Variants in CDC40 observed in about 807,000 individuals in gnomAD.
CDC40 encodes cell division cycle 40, also known as pre-mRNA-processing factor 17.
Under a neutral mutation model 80.6 loss-of-function variants are expected in CDC40, and 27 were observed. That is an observed-to-expected ratio of 0.33 (90% CI 0.25 to 0.46). CDC40 has a LOEUF of 0.46. Among genes scored for constraint, CDC40 ranks in the 20% least tolerant of loss-of-function variants. CDC40 has a pLI of 1.00. For missense variants in CDC40, 486 were observed against 694.1 expected, an observed-to-expected ratio of 0.70 and a Z score of 3.37; for synonymous variants, 221 against 232.6, an observed-to-expected ratio of 0.95 and a Z score of 0.45.
At chr6:110,226,699 C>T (rs1426522738) in intron 13 of CDC40, among the ~76,000 whole-genome samples, 1 of 151,900 alleles carries the variant, frequency 6.6e-6, no homozygotes, top group Non-Finnish European at 1.5e-5. Context: ...AGGCCTAAGC[C>T]ACTATGCCCG....
chr6:110,197,299 ATAAAT>A (rs1479731194), intron 2 of CDC40, among the ~76,000 whole-genome samples: 1 of 152,236 alleles, frequency 6.6e-6, no homozygotes, highest in African/African-American at 2.4e-5. Flanking sequence ...ATACTTTTTA[ATAAAT>A]TAATTTTTTA....
intron 3 of CDC40, among the ~76,000 whole-genome samples, chr6:110,204,029 T>A (rs551740162): frequency 6.6e-6 from 1 of 152,354 alleles, no homozygotes; most frequent in East Asian, 1.9e-4. Context: ...ATTTTATTTT[T>A]TTTGAGACAG....
intron 1 of CDC40, among the ~76,000 whole-genome samples, chr6:110,192,233 A>G (rs1298739928): frequency 6.6e-6 from 1 of 152,248 alleles, no homozygotes; most frequent in Non-Finnish European, 1.5e-5. Flanking sequence ...AAGCTACTCC[A>G]AAAACCCAGA....
intron 7 of CDC40, 128 bp downstream of exon 7, chr6:110,212,400 C>A: frequency 2.3e-6 from 2 of 881,952 alleles, no homozygotes; most frequent in Non-Finnish European, 3.5e-6. Flanking sequence ...TGAATGTAAG[C>A]CTGAGTTATG....
At chr6:110,191,827 C>T (rs1777352453) in intron 1 of CDC40, among the ~76,000 whole-genome samples, 1 of 151,986 alleles carries the variant, frequency 6.6e-6, no homozygotes, top group Admixed American at 6.6e-5. Context: ...GACTCAACTC[C>T]GTCATTTTAT....
At position 110,204,074 on chromosome 6, in the gene CDC40, G is replaced by A. The variant is rs993118036; in HGVS notation, c.406+2387G>A. ...CTTGCCCAGGCTGGAGTGCAGTGGC[G>A]CGATCTCAGCTCACTGCAAGCTCCG... On this transcript the variant is annotated intron_variant, in intron 3 of 14. Transcript: ENST00000307731. Among the ~76,000 whole-genome samples, 15 of 151,886 alleles carry A rather than the reference G, an allele frequency of 9.9e-5. 1 individual carries two copies. The highest frequency in any genetic ancestry group is 1.3e-4 in the Non-Finnish European group (9 of 67,990).
At chr6:110,212,985 T>C (rs1777655633) in intron 7 of CDC40, 101 bp from the exon 8 acceptor site, 2 of 833,514 alleles carry the variant, frequency 2.4e-6, no homozygotes, top group Admixed American at 1.8e-5. Flanking sequence ...TGAAGAAAAA[T>C]AGCAAATTAG....
At chr6:110,190,650 C>A (rs1432761349) in intron 1 of CDC40, among the ~76,000 whole-genome samples, 2 of 152,064 alleles carry the variant, frequency 1.3e-5, no homozygotes, top group Admixed American at 1.3e-4. Context: ...CGTTGGTGGT[C>A]ACATAGTTGA....
chr6:110,193,370 A>G (rs1040108459), intron 2 of CDC40, 102 bp downstream of exon 2: 12 of 688,318 alleles, frequency 1.7e-5, no homozygotes, highest in Admixed American at 1.2e-4. Context: ...TCACATAAGC[A>G]TACTATTTAA....
At chr6:110,181,253 G>C (rs896369350) in intron 1 of CDC40, among the ~76,000 whole-genome samples, 1 of 152,216 alleles carries the variant, frequency 6.6e-6, no homozygotes, top group African/African-American at 2.4e-5. Context: ...TTGGATTTGA[G>C]AAACAGCTGC....
At chr6:110,206,907 T>C (rs1777570245) in intron 3 of CDC40, among the ~76,000 whole-genome samples, 1 of 152,220 alleles carries the variant, frequency 6.6e-6, no homozygotes, top group Non-Finnish European at 1.5e-5. Flanking sequence ...GAGAGGCTCT[T>C]AGTAATGTAA....
intron 1 of CDC40, among the ~76,000 whole-genome samples, chr6:110,183,349 G>A (rs1434417155): frequency 6.6e-6 from 1 of 152,218 alleles, no homozygotes. Context: ...GAAAAAGAAA[G>A]TCTTGTAAAA....
At chr6:110,185,027 T>C (rs548749005) in intron 1 of CDC40, among the ~76,000 whole-genome samples, 32 of 152,278 alleles carry the variant, frequency 2.1e-4, no homozygotes, top group African/African-American at 7.7e-4. Flanking sequence ...AATATGGCAC[T>C]TAGCAACACA....
intron 7 of CDC40, among the ~76,000 whole-genome samples, chr6:110,212,651 C>T (rs1349742965): frequency 4.6e-5 from 7 of 152,176 alleles, no homozygotes; most frequent in Non-Finnish European, 8.8e-5. Context: ...GGTTATCACA[C>T]TTCAGAGATT....
intron 12 of CDC40, among the ~76,000 whole-genome samples, chr6:110,222,570 AC>A (rs989014520): frequency 6.6e-6 from 1 of 152,128 alleles, no homozygotes; most frequent in Non-Finnish European, 1.5e-5. Context: ...AACAAAAAAA[AC>A]AAACAACAAC....
chr6:110,210,750 A>G lies in CDC40; in HGVS notation c.674A>G (p.Lys225Arg). ...ELDEITAKRQKKGKQEEEKPG... is the reference protein window; with the variant it reads ...ELDEITAKRQRKGKQEEEKPG... Reference sequence around the variant, plus strand: ...GATGAAATCACAGCAAAGAGGCAGAAAAAAGGAAAACAGGAAGAAGAGAAA... The same window carrying G: ...GATGAAATCACAGCAAAGAGGCAGAGAAAAGGAAAACAGGAAGAAGAGAAA... The change falls in exon 6 of 15, where the codon AAA (lysine) becomes AGA (arginine). Residue 225 changes from lysine (K) to arginine (R), a missense_variant. Physicochemically the swap from Lys to Arg is conservative, Grantham distance 26. Around this residue, in one of 3 missense-constraint regions of CDC40, gnomAD observed 381 missense variants for 492.1 expected, o/e 0.77. Coordinates refer to ENST00000307731, the MANE Select transcript of CDC40 (RefSeq NM_015891.3). The G allele has an allele frequency of 6.3e-7, 1 of 1,583,718 alleles. No homozygotes were observed. Among genetic ancestry groups the G allele is most frequent in the Non-Finnish European group, 8.6e-7 (1 of 1,167,074 alleles).
At chr6:110,199,269 T>C (rs186254186) in intron 2 of CDC40, among the ~76,000 whole-genome samples, 2 of 152,248 alleles carry the variant, frequency 1.3e-5, no homozygotes, top group East Asian at 1.9e-4. Context: ...GAAATCACAG[T>C]TCTTTTACAC....
chr6:110,189,146 G>T (rs892831637), intron 1 of CDC40, among the ~76,000 whole-genome samples: 2 of 152,092 alleles, frequency 1.3e-5, no homozygotes, highest in African/African-American at 4.8e-5. Flanking sequence ...TTAGTAGCTT[G>T]GGTTAAGTGA....
intron 1 of CDC40, among the ~76,000 whole-genome samples, chr6:110,184,967 C>T (rs1049186443): frequency 6.6e-6 from 1 of 152,124 alleles, no homozygotes; most frequent in Non-Finnish European, 1.5e-5. Context: ...AGTAATGATA[C>T]AGAATATGTG....
Sources: allele counts gnomAD v4.1 joint callset (sites outside exome capture counted in the v4.1 genomes callset), GRCh38; gene constraint gnomAD v4.1.1; regional missense constraint gnomAD v4.1.1; transcripts MANE v1.5; gene names NCBI Gene and HGNC (gene_info 2026-07-23, HGNC 2026-07-21).